The following SVIL variants were observed in gnomAD, a reference collection of about 807,000 sequenced individuals.
SVIL encodes archvillin.
A neutral mutation model predicts 240.4 loss-of-function variants in SVIL; 101 were observed. The ratio of observed to expected loss-of-function variants is 0.42; its 90% confidence interval spans 0.36 to 0.50. The LOEUF (loss-of-function observed/expected upper bound fraction) is 0.50. Ranked by LOEUF, SVIL falls within the 20% of genes least tolerant of loss-of-function variation. The probability of loss-of-function intolerance (pLI) is 0.01; values close to 1 mark genes in which losing one functional copy is unlikely to be tolerated. For synonymous variants in SVIL, 999 were observed against 1,100.0 expected, an observed-to-expected ratio of 0.91 and a Z score of 1.82; for missense variants, 2,512 against 2,818.7, an observed-to-expected ratio of 0.89 and a Z score of 2.46.
chr10:29,598,503 G>T (rs1376428617), intron 1 of SVIL, among the ~76,000 whole-genome samples: 1 of 152,200 alleles, frequency 6.6e-6, no homozygotes, highest in Non-Finnish European at 1.5e-5. Context: ...CCAAAAGGTT[G>T]TTTGGTCCCT....
At chr10:29,632,436 A>T (rs545923817) in intron 1 of SVIL, among the ~76,000 whole-genome samples, 4 of 151,708 alleles carry the variant, frequency 2.6e-5, no homozygotes, top group Non-Finnish European at 4.4e-5. Context: ...GGTTGCAGTG[A>T]GCTGAGATTG....
At chr10:29,618,397 T>A (rs989196717) in intron 1 of SVIL, among the ~76,000 whole-genome samples, 42 of 152,222 alleles carry the variant, frequency 2.8e-4, no homozygotes, top group African/African-American at 1.0e-3. Flanking sequence ...TATGACACCC[T>A]GCTGAAGAAG....
intron 36 of SVIL, among the ~76,000 whole-genome samples, chr10:29,459,934 T>C (rs1032492119): frequency 1.3e-5 from 2 of 152,100 alleles, no homozygotes; most frequent in East Asian, 3.9e-4. Flanking sequence ...CTATAAAGAA[T>C]ACAAAAATAG....
At chr10:29,569,167 A>C (rs181644481) in intron 2 of SVIL, 88 bp downstream of exon 2, 1 of 546,926 alleles carries the variant, frequency 1.8e-6, no homozygotes, top group East Asian at 1.5e-4. Flanking sequence ...AAACATTTAA[A>C]CTCATGAGTT....
intron 1 of SVIL, among the ~76,000 whole-genome samples, chr10:29,699,391 T>C (rs1962331196): frequency 6.6e-6 from 1 of 152,032 alleles, no homozygotes; most frequent in South Asian, 2.1e-4. Flanking sequence ...AACCTCTGCC[T>C]CCCTGGGTTC....
intron 2 of SVIL, among the ~76,000 whole-genome samples, chr10:29,676,407 A>G (rs1960207729): frequency 6.6e-6 from 1 of 152,064 alleles, no homozygotes; most frequent in African/African-American, 2.4e-5. Flanking sequence ...CACACGCACA[A>G]TATAAACTCT....
chr10:29,523,930 C>T lies in SVIL; in HGVS notation c.2684G>A (p.Arg895His), dbSNP rs777510006. The change falls in exon 15 of 38, where the codon CGC becomes CAC. Residue 895 changes from arginine (R) to histidine (H), a missense_variant. This residue lies in a region of SVIL where 1,443 missense variants were observed against 1,486.6 expected (regional missense o/e 0.97). Coordinates refer to ENST00000355867, the MANE Select transcript of SVIL (RefSeq NM_021738.3). ...TVAPMYAGDL[R>H]TKPPLDHNAS... Reference sequence around the variant, plus strand: ...ATTGTGGTCAAGAGGTGGCTTTGTGCGAAGATCTCCGGCATACATTGGAGC... The same window carrying T: ...ATTGTGGTCAAGAGGTGGCTTTGTGTGAAGATCTCCGGCATACATTGGAGC... 1.2e-5 allele frequency: 19 copies of T among 1,613,968 alleles called. No homozygotes were observed. The highest frequency in any genetic ancestry group is 6.7e-5 in the African/African-American group (5 of 74,872).
intron 3 of SVIL, among the ~76,000 whole-genome samples, chr10:29,644,775 C>T (rs1041593135): frequency 3.3e-5 from 5 of 152,152 alleles, no homozygotes; most frequent in Admixed American, 3.3e-4. Flanking sequence ...GCCATGTCTC[C>T]TTGACAGCAC....
intron 23 of SVIL, among the ~76,000 whole-genome samples, chr10:29,488,077 CT>C (rs1947591378): frequency 1.3e-5 from 2 of 152,154 alleles, no homozygotes. Context: ...TCTTTGGAAT[CT>C]CCCTTGCTAC....
At chr10:29,582,525 C>G (rs1955988223) in intron 1 of SVIL, among the ~76,000 whole-genome samples, 1 of 152,064 alleles carries the variant, frequency 6.6e-6, no homozygotes, top group Non-Finnish European at 1.5e-5. Flanking sequence ...CTGCTTGAGA[C>G]CAGGAGTTAG....
intron 6 of SVIL, among the ~76,000 whole-genome samples, chr10:29,541,708 C>A (rs1564607369): frequency 6.6e-6 from 1 of 152,274 alleles, no homozygotes; most frequent in South Asian, 2.1e-4. Flanking sequence ...GGCATCCCCT[C>A]ATCTCCTGAT....
At chr10:29,655,297 A>G (rs1056446414) in intron 3 of SVIL, among the ~76,000 whole-genome samples, 10 of 152,196 alleles carry the variant, frequency 6.6e-5, no homozygotes, top group African/African-American at 2.4e-4. Flanking sequence ...TGCAGCCTTC[A>G]GTCTGTGGCC....
chr10:29,650,660 C>T (rs1479342536), intron 3 of SVIL, among the ~76,000 whole-genome samples: 2 of 152,048 alleles, frequency 1.3e-5, no homozygotes, highest in Non-Finnish European at 2.9e-5. Flanking sequence ...AAAAAAAAGC[C>T]TGGAATGAAG....
At chr10:29,582,158 C>T (rs868732607) in intron 1 of SVIL, among the ~76,000 whole-genome samples, 3 of 152,074 alleles carry the variant, frequency 2.0e-5, no homozygotes, top group African/African-American at 7.2e-5. Context: ...ACACTGTGAG[C>T]GAATGCACCT....
chr10:29,653,480 T>A (rs1958906056), intron 3 of SVIL, among the ~76,000 whole-genome samples: 1 of 152,246 alleles, frequency 6.6e-6, no homozygotes, highest in South Asian at 2.1e-4. Context: ...CAGGTAGTTC[T>A]TTATAGCAAT....
At chr10:29,559,120 G>A (rs1172442478) in intron 3 of SVIL, among the ~76,000 whole-genome samples, 1 of 151,914 alleles carries the variant, frequency 6.6e-6, no homozygotes, top group Admixed American at 6.6e-5. Flanking sequence ...TTGTAACGCT[G>A]TTGTTTTATT....
At chr10:29,547,033 T>A (rs1217273840) in intron 6 of SVIL, among the ~76,000 whole-genome samples, 1 of 152,230 alleles carries the variant, frequency 6.6e-6, no homozygotes, top group African/African-American at 2.4e-5. Context: ...ATTATTTTCA[T>A]ATACAGTTAT....
intron 1 of SVIL, among the ~76,000 whole-genome samples, chr10:29,589,535 A>G (rs2132796411): frequency 6.6e-6 from 1 of 152,342 alleles, no homozygotes; most frequent in Admixed American, 6.5e-5. Flanking sequence ...ATTAGATGGC[A>G]CTGAAGCACC....
chr10:29,693,581 G>A (rs1172482177), intron 1 of SVIL, among the ~76,000 whole-genome samples: 1 of 152,172 alleles, frequency 6.6e-6, no homozygotes, highest in Non-Finnish European at 1.5e-5. Context: ...AGCTGCCCCT[G>A]GAGAGCCAGG....
Sources: allele counts gnomAD v4.1 joint callset (sites outside exome capture counted in the v4.1 genomes callset), GRCh38; gene constraint gnomAD v4.1.1; regional missense constraint gnomAD v4.1.1; transcripts MANE v1.5; gene names NCBI Gene and HGNC (gene_info 2026-07-23, HGNC 2026-07-21).